Variants in PACSIN2 observed in about 807,000 individuals in gnomAD.
PACSIN2 encodes the protein protein kinase C and casein kinase substrate in neurons 2.
In PACSIN2, 25 loss-of-function variants were observed where a neutral mutation model predicts 63.8. The observed-to-expected ratio is 0.39, with a 90% CI of 0.29 to 0.55. The LOEUF (loss-of-function observed/expected upper bound fraction) is 0.55, where lower values mean the gene tolerates loss of function less well. PACSIN2 is among the 20% of genes least tolerant of loss of function. The pLI is 0.62. For synonymous variants in PACSIN2, 255 were observed against 256.2 expected, an observed-to-expected ratio of 1.00 and a Z score of 0.05; for missense variants, 518 against 646.9, an observed-to-expected ratio of 0.80 and a Z score of 2.16.
intron 7 of PACSIN2, among the ~76,000 whole-genome samples, chr22:42,879,671 G>T (rs1355283960): frequency 6.6e-6 from 1 of 152,194 alleles, no homozygotes; most frequent in East Asian, 1.9e-4. Flanking sequence ...GCCCTAAATT[G>T]TCCCTGGGCC....
chr22:42,937,014 TC>T, intron 1 of PACSIN2, among the ~76,000 whole-genome samples: 1 of 152,302 alleles, frequency 6.6e-6, no homozygotes, highest in South Asian at 2.1e-4. Context: ...TACTTTCCAT[TC>T]TTTCAACACC....
chr22:42,944,889 G>A (rs1284260496), intron 1 of PACSIN2, among the ~76,000 whole-genome samples: 1 of 152,166 alleles, frequency 6.6e-6, no homozygotes, highest in Non-Finnish European at 1.5e-5. Flanking sequence ...CCTGAGGTCA[G>A]GAGTTCAAGA....
At chr22:42,913,150 C>T (rs918001347) in intron 1 of PACSIN2, among the ~76,000 whole-genome samples, 7 of 152,172 alleles carry the variant, frequency 4.6e-5, no homozygotes, top group African/African-American at 1.7e-4. Flanking sequence ...GGCAAGTTAC[C>T]TACCCTCTCT....
intron 1 of PACSIN2, among the ~76,000 whole-genome samples, chr22:42,929,940 G>T (rs1041954142): frequency 6.6e-6 from 1 of 152,164 alleles, no homozygotes; most frequent in African/African-American, 2.4e-5. Flanking sequence ...CTCACACAGG[G>T]CTCCTTCCAA....
At chr22:43,011,780 G>C (rs1569379643) in intron 1 of PACSIN2, among the ~76,000 whole-genome samples, 2 of 152,122 alleles carry the variant, frequency 1.3e-5, no homozygotes, top group Non-Finnish European at 2.9e-5. Context: ...GGGAAGCTGA[G>C]GTGGGCAGAT....
At chr22:42,897,148 G>A (rs1175954936) in intron 2 of PACSIN2, among the ~76,000 whole-genome samples, 1 of 152,050 alleles carries the variant, frequency 6.6e-6, no homozygotes, top group Non-Finnish European at 1.5e-5. Flanking sequence ...TGTTGCCTAG[G>A]CTGGTCTTGA....
intron 2 of PACSIN2, among the ~76,000 whole-genome samples, chr22:42,902,061 C>T (rs964288311): frequency 1.3e-5 from 2 of 152,232 alleles, no homozygotes; most frequent in African/African-American, 4.8e-5. Flanking sequence ...ATTTAAGGAA[C>T]ATCCACTGTG....
At chr22:42,927,830 G>A (rs1001156207) in intron 1 of PACSIN2, among the ~76,000 whole-genome samples, 7 of 151,348 alleles carry the variant, frequency 4.6e-5, no homozygotes, top group Non-Finnish European at 1.0e-4. Flanking sequence ...CAGGTGATCC[G>A]CCTGCCTCAG....
At chr22:42,977,304 G>A (rs1921770899) in intron 1 of PACSIN2, among the ~76,000 whole-genome samples, 1 of 152,024 alleles carries the variant, frequency 6.6e-6, no homozygotes, top group Admixed American at 6.5e-5. Context: ...ATAATTTATA[G>A]CCCTAATATA....
At chr22:42,979,262 G>A (rs1921906423) in intron 1 of PACSIN2, among the ~76,000 whole-genome samples, 1 of 152,168 alleles carries the variant, frequency 6.6e-6, no homozygotes, top group Non-Finnish European at 1.5e-5. Context: ...GGTGGCTCAT[G>A]CCTGCAATCT....
intron 1 of PACSIN2, among the ~76,000 whole-genome samples, chr22:42,990,593 G>T (rs1279205704): frequency 6.6e-6 from 1 of 152,180 alleles, no homozygotes; most frequent in Non-Finnish European, 1.5e-5. Context: ...GAGTTCAGCA[G>T]GCAAAGACGG....
chr22:42,948,850 TGAC>T lies in PACSIN2; in HGVS notation c.-77-36696_-77-36694del, dbSNP rs141828815. ...ACAAACTGATAAATGAATTCTAACT[TGAC>T]AGTGCTTTTATTTCTAAAAAAAGTT... is the stretch of plus-strand genomic sequence containing the variant. On this transcript the variant is annotated intron_variant, in intron 1 of 10. Coordinates refer to ENST00000263246, the MANE Select transcript of PACSIN2 (RefSeq NM_001184970.3). Among the ~76,000 whole-genome samples the T allele has an allele frequency of 9.9e-3, 1,505 of 152,312 alleles. 26 individuals carry two copies. Among genetic ancestry groups the T allele is most frequent in the African/African-American group, 0.034 (1,418 of 41,554 alleles).
chr22:42,882,046 T>C, intron 7 of PACSIN2, 138 bp downstream of exon 7: 1 of 1,001,070 alleles, frequency 1.0e-6, no homozygotes, highest in Non-Finnish European at 1.5e-6. Flanking sequence ...GTCTGTACTA[T>C]AGCTATGCCT....
At chr22:42,922,998 TCTTTCCGG>T (rs1318017443) in intron 1 of PACSIN2, among the ~76,000 whole-genome samples, 1 of 151,470 alleles carries the variant, frequency 6.6e-6, no homozygotes, top group Non-Finnish European at 1.5e-5. Context: ...AGGGGAGGGG[TCTTTCCGG>T]CAGAGGCAGA....
intron 1 of PACSIN2, among the ~76,000 whole-genome samples, chr22:42,940,952 G>A (rs1350622678): frequency 6.6e-6 from 1 of 152,150 alleles, no homozygotes; most frequent in Non-Finnish European, 1.5e-5. Context: ...ATGATTTTTA[G>A]TGTGTTCACA....
intron 1 of PACSIN2, among the ~76,000 whole-genome samples, chr22:42,999,837 C>G (rs1923652964): frequency 6.6e-6 from 1 of 152,184 alleles, no homozygotes; most frequent in Non-Finnish European, 1.5e-5. Flanking sequence ...ATATATTAAG[C>G]TTCTCTGAGC....
intron 1 of PACSIN2, among the ~76,000 whole-genome samples, chr22:42,984,831 C>T (rs1370993371): frequency 1.3e-5 from 2 of 152,152 alleles, no homozygotes; most frequent in African/African-American, 2.4e-5. Context: ...CAACACCCAG[C>T]TTAGTAACAA....
intron 3 of PACSIN2, among the ~76,000 whole-genome samples, chr22:42,891,500 A>G (rs1172139523): frequency 1.3e-5 from 2 of 152,130 alleles, no homozygotes; most frequent in Non-Finnish European, 2.9e-5. Context: ...TCCCAGGTTC[A>G]AGAGATTCTC....
intron 1 of PACSIN2, among the ~76,000 whole-genome samples, chr22:42,938,409 C>T (rs2146795575): frequency 6.6e-6 from 1 of 152,320 alleles, no homozygotes; most frequent in Middle Eastern, 3.4e-3. Flanking sequence ...CTCTGGAACA[C>T]ACAGGAGGCG....
Sources: allele counts gnomAD v4.1 joint callset (sites outside exome capture counted in the v4.1 genomes callset), GRCh38; gene constraint gnomAD v4.1.1; transcripts MANE v1.5; gene names NCBI Gene and HGNC (gene_info 2026-07-23, HGNC 2026-07-21).